The following CSMD2 variants were observed in gnomAD, a reference collection of about 807,000 sequenced individuals.
The protein encoded by CSMD2 is CUB and Sushi multiple domains 2.
A neutral mutation model predicts 398.5 loss-of-function variants in CSMD2; 130 were observed. The ratio of observed to expected loss-of-function variants is 0.33; its 90% CI spans 0.28 to 0.38. The LOEUF (loss-of-function observed/expected upper bound fraction) is 0.38. Among genes scored for constraint, CSMD2 ranks in the 10% least tolerant of loss-of-function variants. The pLI is 1.00. For missense variants in CSMD2, 3,829 were observed against 4,764.9 expected (o/e 0.80, Z 5.78); for synonymous variants, 1,828 against 1,908.5 (o/e 0.96, Z 1.10).
intron 6 of CSMD2, among the ~76,000 whole-genome samples, chr1:33,846,117 T>C (rs778174081): frequency 6.6e-6 from 1 of 152,256 alleles, no homozygotes; most frequent in Non-Finnish European, 1.5e-5. Flanking sequence ...AATGTGCTCA[T>C]CCGCTCCCAT....
intron 5 of CSMD2, among the ~76,000 whole-genome samples, chr1:33,887,288 T>C (rs950982394): frequency 2.5e-4 from 38 of 150,962 alleles, no homozygotes; most frequent in African/African-American, 9.0e-4. Flanking sequence ...CTTGCAGCAA[T>C]ATTTATAACA....
At chr1:33,902,309 C>A (rs1049170714) in intron 5 of CSMD2, among the ~76,000 whole-genome samples, 2 of 152,134 alleles carry the variant, frequency 1.3e-5, no homozygotes, top group Non-Finnish European at 2.9e-5. Context: ...CCTTACCCTG[C>A]CTGACACAAC....
chr1:34,080,683 AC>A (rs1656967085), intron 2 of CSMD2, among the ~76,000 whole-genome samples: 1 of 152,172 alleles, frequency 6.6e-6, no homozygotes, highest in African/African-American at 2.4e-5. Context: ...TCAAAGCTAT[AC>A]TTAGGGGAAA....
At chr1:34,024,223 A>C (rs1353033652) in intron 3 of CSMD2, among the ~76,000 whole-genome samples, 1 of 152,246 alleles carries the variant, frequency 6.6e-6, no homozygotes, top group East Asian at 1.9e-4. Context: ...TGGGACTGAT[A>C]TATAGCAGGT....
chr1:33,673,400 A>T (rs896736101), intron 25 of CSMD2, among the ~76,000 whole-genome samples: 6 of 152,218 alleles, frequency 3.9e-5, no homozygotes, highest in Non-Finnish European at 7.3e-5. Flanking sequence ...GCGAGAAGAG[A>T]AGTTTAGAGA....
At chr1:34,140,490 G>A (rs1639190718) in intron 1 of CSMD2, among the ~76,000 whole-genome samples, 1 of 152,096 alleles carries the variant, frequency 6.6e-6, no homozygotes, top group African/African-American at 2.4e-5. Flanking sequence ...TTCTCCCAAT[G>A]CCTCGGATCC....
chr1:33,617,210 A>T lies in CSMD2; in HGVS notation c.5947-235T>A, dbSNP rs1238865620. On this transcript the variant is annotated intron_variant, in intron 38 of 70. Coordinates refer to ENST00000373381, the MANE Select transcript of CSMD2 (RefSeq NM_001281956.2). ...TCATTATTAGAGGTTTCCTTGTGAG[A>T]GTCCTTTAATTACTAAATTCCCTGA... Among the ~76,000 whole-genome samples the T allele has an allele frequency of 2.8e-4, 43 of 152,266 alleles. 1 individual carries two copies. Among genetic ancestry groups the T allele is most frequent in the Admixed American group, 2.8e-3 (43 of 15,286 alleles).
intron 44 of CSMD2, chr1:33,592,214 A>G (rs1639506737): frequency 3.4e-6 from 2 of 589,094 alleles, no homozygotes; most frequent in African/African-American, 1.9e-5. Context: ...CCACTTCTCA[A>G]TCATTCTCTT....
At chr1:34,052,598 T>G (rs1653333928) in intron 2 of CSMD2, among the ~76,000 whole-genome samples, 2 of 151,910 alleles carry the variant, frequency 1.3e-5, no homozygotes, top group African/African-American at 4.8e-5. Flanking sequence ...TCTATTTCTC[T>G]GGAGAACCCA....
intron 5 of CSMD2, chr1:33,864,229 TC>T (rs1639780519): frequency 6.2e-7 from 1 of 1,610,462 alleles, no homozygotes; most frequent in Non-Finnish European, 8.5e-7. Flanking sequence ...AAGGCAAATG[TC>T]TCTTCTTACG....
chr1:33,554,838 A>G (rs1657810109), intron 55 of CSMD2, among the ~76,000 whole-genome samples: 1 of 152,250 alleles, frequency 6.6e-6, no homozygotes. Context: ...GCACCTGGTC[A>G]GCCAAGTGCT....
At chr1:34,143,543 T>C (rs116129907) in intron 1 of CSMD2, among the ~76,000 whole-genome samples, 1,955 of 152,304 alleles carry the variant, frequency 0.013, 32 homozygotes, top group South Asian at 0.019. Context: ...CTGCAGGTGA[T>C]ATATTAGAAA....
At chr1:33,605,760 G>C (rs1640553043) in intron 41 of CSMD2, 1 of 944,514 alleles carries the variant, frequency 1.1e-6, no homozygotes, top group South Asian at 1.5e-5. Flanking sequence ...CGTAGGAAAA[G>C]GAGGCTCAAG....
intron 25 of CSMD2, among the ~76,000 whole-genome samples, chr1:33,675,206 TGCTA>T (rs1253396643): frequency 2.0e-5 from 3 of 151,914 alleles, no homozygotes; most frequent in African/African-American, 7.3e-5. Context: ...ATTGATAGAC[TGCTA>T]GCAAGACTAA....
chr1:33,997,964 A>T (rs1646779524), intron 3 of CSMD2, among the ~76,000 whole-genome samples: 1 of 152,128 alleles, frequency 6.6e-6, no homozygotes, highest in Admixed American at 6.6e-5. Flanking sequence ...TGAGGTGCAG[A>T]CCAAGGACCC....
chr1:33,843,087 C>T (rs2125069289), intron 6 of CSMD2, among the ~76,000 whole-genome samples: 1 of 152,340 alleles, frequency 6.6e-6, no homozygotes, highest in South Asian at 2.1e-4. Context: ...AATTACAGCT[C>T]TTATCATGCT....
intron 3 of CSMD2, among the ~76,000 whole-genome samples, chr1:34,002,525 CA>C (rs1646934152): frequency 6.6e-6 from 1 of 151,902 alleles, no homozygotes; most frequent in Non-Finnish European, 1.5e-5. Context: ...GGGGTATATG[CA>C]AAAAAATTAT....
intron 3 of CSMD2, among the ~76,000 whole-genome samples, chr1:33,983,449 G>C (rs555627065): frequency 6.6e-6 from 1 of 152,262 alleles, no homozygotes; most frequent in African/African-American, 2.4e-5. Context: ...CTTGGAGACT[G>C]GTTATGTAGA....
At chr1:33,814,412 T>G (rs906185105) in intron 9 of CSMD2, among the ~76,000 whole-genome samples, 1 of 152,208 alleles carries the variant, frequency 6.6e-6, no homozygotes, top group Non-Finnish European at 1.5e-5. Context: ...TAGCTCACTC[T>G]CTCATTCTGC....
Sources: gnomAD v4.1 joint callset for allele counts (sites outside exome capture counted in the v4.1 genomes callset) on GRCh38, gnomAD v4.1.1 for gene constraint, MANE v1.5 for transcripts, NCBI Gene and HGNC (gene_info 2026-07-23, HGNC 2026-07-21) for gene names.